The following FHIT variants were observed in gnomAD, a reference collection of about 807,000 sequenced individuals.
The protein encoded by FHIT is fragile histidine triad diadenosine triphosphatase.
In FHIT, 19 loss-of-function variants were observed where a neutral mutation model predicts 17.9. The observed-to-expected ratio is 1.06, with a 90% CI of 0.74 to 1.56. FHIT has a LOEUF of 1.56. Among genes scored for constraint, FHIT ranks in the 40% most tolerant of loss-of-function variants. The pLI, the probability that FHIT is intolerant of heterozygous loss-of-function variation, is 0.00. For synonymous variants in FHIT, 81 were observed against 69.7 expected (o/e 1.16, Z -0.81); for missense variants, 248 against 189.2 (o/e 1.31, Z -1.82).
intron 5 of FHIT, among the ~76,000 whole-genome samples, chr3:60,212,408 A>C (rs765506308): frequency 5.0e-4 from 76 of 152,158 alleles, no homozygotes; most frequent in Admixed American, 9.8e-4. Flanking sequence ...AAGTTTAGCT[A>C]ATGTACATGA....
chr3:60,969,836 G>A (rs1184151117), intron 3 of FHIT, among the ~76,000 whole-genome samples: 1 of 152,096 alleles, frequency 6.6e-6, no homozygotes, highest in Non-Finnish European at 1.5e-5. Flanking sequence ...TACAAGTGGT[G>A]TTTGAATCTT....
chr3:60,485,359 T>C (rs1291886866), intron 5 of FHIT, among the ~76,000 whole-genome samples: 1 of 152,156 alleles, frequency 6.6e-6, no homozygotes, highest in African/African-American at 2.4e-5. Context: ...CACACTTATG[T>C]TTAGTGCAGC....
Position 60,637,915 on chromosome 3 carries a change from T to C in FHIT, c.-17-100936A>G, listed in dbSNP as rs1046074045. Among the ~76,000 whole-genome samples, 8 of 152,244 alleles carry C rather than the reference T, an allele frequency of 5.3e-5. No homozygotes were observed. The East Asian group carries it at 1.4e-3, about 26-fold the overall frequency. On this transcript the variant is annotated intron_variant, in intron 4 of 9. Transcript: ENST00000492590. Reference sequence around the variant, plus strand: ...TGCTCCAGGAAATAGACATGATGAATTGGCAAATTTTGTTGTGGAAAGCTA... The same window carrying C: ...TGCTCCAGGAAATAGACATGATGAACTGGCAAATTTTGTTGTGGAAAGCTA...
chr3:60,204,179 GC>G (rs1425618292), intron 5 of FHIT, among the ~76,000 whole-genome samples: 14 of 152,126 alleles, frequency 9.2e-5, no homozygotes, highest in African/African-American at 2.9e-4. Context: ...TATCAAAATA[GC>G]TCATGTACTC....
chr3:60,682,343 G>A (rs1007332537), intron 4 of FHIT, among the ~76,000 whole-genome samples: 9 of 152,200 alleles, frequency 5.9e-5, no homozygotes, highest in African/African-American at 9.6e-5. Flanking sequence ...TTCCTAGCTA[G>A]AGAGGAGAAG....
chr3:60,924,588 T>C (rs1707473892), intron 3 of FHIT, among the ~76,000 whole-genome samples: 1 of 152,058 alleles, frequency 6.6e-6, no homozygotes, highest in South Asian at 2.1e-4. Context: ...CAAAGGTAGA[T>C]AAAACCACAA....
At chr3:60,839,508 A>G (rs904313375) in intron 3 of FHIT, among the ~76,000 whole-genome samples, 3 of 152,204 alleles carry the variant, frequency 2.0e-5, no homozygotes, top group Non-Finnish European at 4.4e-5. Context: ...GGCATTTGTC[A>G]GTGTCTGTCA....
chr3:60,386,099 T>C (rs1282009542), intron 5 of FHIT, among the ~76,000 whole-genome samples: 1 of 152,160 alleles, frequency 6.6e-6, no homozygotes, highest in Non-Finnish European at 1.5e-5. Flanking sequence ...TGGCCAGAGC[T>C]GCAGAGCAAC....
chr3:60,772,077 T>C (rs1173796877), intron 4 of FHIT, among the ~76,000 whole-genome samples: 3 of 152,078 alleles, frequency 2.0e-5, no homozygotes, highest in East Asian at 3.9e-4. Flanking sequence ...ATTTCTGCTA[T>C]AAACTAAAGT....
chr3:60,015,693 C>G (rs1386279429), intron 5 of FHIT, among the ~76,000 whole-genome samples: 2 of 152,142 alleles, frequency 1.3e-5, no homozygotes, highest in Non-Finnish European at 2.9e-5. Context: ...CCAACGAAGT[C>G]CATAAGTGCT....
intron 4 of FHIT, among the ~76,000 whole-genome samples, chr3:60,814,724 A>G (rs1438973130): frequency 3.3e-5 from 5 of 152,276 alleles, no homozygotes; most frequent in Middle Eastern, 3.4e-3. Flanking sequence ...ATCTATACAC[A>G]GTAATGGAAT....
intron 5 of FHIT, among the ~76,000 whole-genome samples, chr3:60,131,058 C>CATACACATGTATGTATGTATACACATAT (rs1699571944): frequency 5.8e-5 from 2 of 34,356 alleles, no homozygotes; most frequent in Admixed American, 2.9e-4. Context: ...TATATACATA[C>CATACACATGTATGTATGTATACACATAT]ATACACATGT....
At chr3:60,174,526 C>T (rs570146319) in intron 5 of FHIT, among the ~76,000 whole-genome samples, 1 of 152,110 alleles carries the variant, frequency 6.6e-6, no homozygotes, top group African/African-American at 2.4e-5. Context: ...TATTTTTATA[C>T]TAGTGTTACA....
chr3:60,891,270 C>G (rs1041757534), intron 3 of FHIT, among the ~76,000 whole-genome samples: 1 of 152,184 alleles, frequency 6.6e-6, no homozygotes. Context: ...TTCTGAAAAA[C>G]TACTCCATCT....
intron 3 of FHIT, among the ~76,000 whole-genome samples, chr3:60,927,735 G>GGGGAGCA (rs1707717055): frequency 2.0e-5 from 3 of 147,870 alleles, no homozygotes; most frequent in Non-Finnish European, 4.5e-5. Context: ...AGGTGGGCGT[G>GGGGAGCA]CCCCCACCCG....
At chr3:61,189,974 A>C (rs1289919287) in intron 2 of FHIT, among the ~76,000 whole-genome samples, 58 of 152,218 alleles carry the variant, frequency 3.8e-4, no homozygotes, top group African/African-American at 1.0e-3. Context: ...CTAAAACCAT[A>C]AAAACCCTAG....
intron 3 of FHIT, among the ~76,000 whole-genome samples, chr3:60,842,376 T>A (rs1187066237): frequency 6.6e-6 from 1 of 151,794 alleles, no homozygotes; most frequent in Admixed American, 6.6e-5. Context: ...GTGTGACTTC[T>A]TTTCTAGCTT....
intron 7 of FHIT, among the ~76,000 whole-genome samples, chr3:59,948,660 T>C (rs1290251314): frequency 5.3e-5 from 8 of 152,204 alleles, no homozygotes; most frequent in Non-Finnish European, 1.2e-4. Context: ...ATTTTAAAAA[T>C]TGTCCTAATG....
At chr3:60,272,036 C>G (rs1223323163) in intron 5 of FHIT, among the ~76,000 whole-genome samples, 2 of 152,284 alleles carry the variant, frequency 1.3e-5, no homozygotes, top group African/African-American at 4.8e-5. Context: ...AAGTGAGATG[C>G]AGACAGAGGC....
Sources: gnomAD v4.1 joint callset for allele counts (sites outside exome capture counted in the v4.1 genomes callset) on GRCh38, gnomAD v4.1.1 for gene constraint, MANE v1.5 for transcripts, NCBI Gene and HGNC (gene_info 2026-07-23, HGNC 2026-07-21) for gene names.